Variants in GPSM2 observed in about 807,000 individuals in gnomAD.
GPSM2 encodes the protein G protein signaling modulator 2, also known as G protein-signaling modulator 2.
Under a neutral mutation model 78.4 loss-of-function variants are expected in GPSM2, and 58 were observed. That is an observed-to-expected ratio of 0.74 (90% confidence interval 0.60 to 0.92). The LOEUF is 0.92. Ranked by LOEUF, GPSM2 falls within the 40% of genes least tolerant of loss-of-function variation. GPSM2 has a pLI of 0.00. For missense variants in GPSM2, 700 were observed against 815.5 expected (o/e 0.86, Z 1.73); for synonymous variants, 224 against 280.2 (o/e 0.80, Z 2.00).
intron 2 of GPSM2, among the ~76,000 whole-genome samples, chr1:108,891,649 C>A (rs1212719596): frequency 2.0e-5 from 3 of 150,520 alleles, no homozygotes; most frequent in Non-Finnish European, 4.4e-5. Context: ...AGGTGCATGC[C>A]ACCACAGCCA....
Position 108,931,616 on chromosome 1 carries a change from T to C in GPSM2, c.*1676T>C. 1.6e-6 allele frequency: 2 copies of C among 1,218,424 alleles called. No individual in the cohort carries two copies. The highest frequency in any genetic ancestry group is 2.7e-5 in the East Asian group (1 of 36,468). 75.5% of individuals were successfully genotyped at this position (1,218,424 alleles called of 1,614,324 possible). A position where few individuals can be genotyped will look rare whatever the true frequency, so the allele number is the denominator to read the frequency against. ...AGTCATAACCTGGAATTAATTACAT[T>C]AAGTGCTCAGCTAAAAAAAAAAAAA... On this transcript the variant is annotated 3_prime_UTR_variant, in exon 15 of 15. Transcript: ENST00000264126.
At chr1:108,921,407 G>A (rs1412060965) in intron 12 of GPSM2, among the ~76,000 whole-genome samples, 3 of 66,540 alleles carry the variant, frequency 4.5e-5, no homozygotes, top group African/African-American at 6.1e-5. Context: ...ATGACAGAGC[G>A]AGACTCCTCA....
At position 108,931,083 on chromosome 1, in the gene GPSM2, C is replaced by CTGTT. The variant is rs1651871072; in HGVS notation, c.*1145_*1148dup. On this transcript the variant is annotated 3_prime_UTR_variant, in exon 15 of 15. Coordinates refer to ENST00000264126, the MANE Select transcript of GPSM2 (RefSeq NM_013296.5). ...ACAAGTATCTTTTGTGTGTTTTGGG[C>CTGTT]TGTTTAAAAAAATTATTTAAAATGG... is the stretch of plus-strand genomic sequence containing the variant. 4 of 300,592 alleles carry CTGTT rather than the reference C, an allele frequency of 1.3e-5. No individual in the cohort carries two copies. The highest frequency in any genetic ancestry group is 4.4e-5 in the African/African-American group (2 of 45,184). The allele number at this position is 300,592 out of a possible 1,614,324, so 18.6% of individuals were successfully genotyped here. A position where few individuals can be genotyped will look rare whatever the true frequency, so the allele number is the denominator to read the frequency against.
intron 2 of GPSM2, among the ~76,000 whole-genome samples, chr1:108,886,616 A>T (rs1410383788): frequency 6.6e-6 from 1 of 152,224 alleles, no homozygotes; most frequent in African/African-American, 2.4e-5. Flanking sequence ...TTCTGCATCC[A>T]CAAGTGTCTT....
intron 12 of GPSM2, among the ~76,000 whole-genome samples, chr1:108,922,031 T>C (rs1650750773): frequency 6.8e-6 from 1 of 148,138 alleles, no homozygotes; most frequent in Admixed American, 6.7e-5. Context: ...GAAATCACTA[T>C]GGTAGGAAAA....
At chr1:108,886,870 G>A (rs954731371) in intron 2 of GPSM2, among the ~76,000 whole-genome samples, 3 of 151,762 alleles carry the variant, frequency 2.0e-5, no homozygotes, top group Non-Finnish European at 4.4e-5. Context: ...AAGAGTGTGT[G>A]TGTGTGTGTT....
At position 108,896,894 on chromosome 1, in the gene GPSM2, G is replaced by A. The variant is rs112935966; in HGVS notation, c.87G>A (p.Leu29=). The A allele has an allele frequency of 2.1e-3, 3,423 of 1,614,038 alleles. 58 individuals are homozygous for A. The African/African-American group carries it at 0.04, about 19-fold the overall frequency. Residue 29 remains leucine, a synonymous_variant, in exon 3 of 15, where the codon TTG becomes TTA. Transcript: ENST00000264126. The part of the protein sequence containing the change: ...RMEASCLELA[L]EGERLCKSGD... ...AAGCTTCTTGCCTAGAGCTGGCCTT[G>A]GAAGGGGAACGTCTATGTAAATCAG...
chr1:108,930,890 C>CA lies in GPSM2; in HGVS notation c.*964dup, dbSNP rs367914389. The CA allele has an allele frequency of 7.7e-3, 988 of 128,512 alleles. 9 individuals carry two copies. The highest frequency in any genetic ancestry group is 0.011 in the Admixed American group (126 of 11,888). The allele number at this position is 128,512 out of a possible 1,614,324, so 8.0% of individuals were successfully genotyped here. On this transcript the variant is annotated 3_prime_UTR_variant, in exon 15 of 15. Transcript: ENST00000264126. ...TGAGTGACAGAGCAAGACTCTGTCT[C>CA]AAAAAAAAAAAAAACAGCAAGCATG...
At chr1:108,906,404 A>C (rs1031334977) in intron 10 of GPSM2, among the ~76,000 whole-genome samples, 7 of 152,018 alleles carry the variant, frequency 4.6e-5, no homozygotes, top group Non-Finnish European at 1.0e-4. Context: ...ACCTGCCTTC[A>C]AAATATATCC....
At chr1:108,925,317 A>C (rs926241313) in intron 14 of GPSM2, among the ~76,000 whole-genome samples, 13 of 152,246 alleles carry the variant, frequency 8.5e-5, no homozygotes, top group African/African-American at 3.1e-4. Flanking sequence ...GGTGTTAAAT[A>C]GGCAATTTGA....
intron 14 of GPSM2, among the ~76,000 whole-genome samples, chr1:108,927,693 C>G (rs906986402): frequency 4.5e-4 from 68 of 152,230 alleles, no homozygotes; most frequent in African/African-American, 1.3e-3. Context: ...TCAAGAGGAG[C>G]ATGTGGTGGC....
rs183309276 is a variant in GPSM2 at position 108,916,291 on chromosome 1, C to T, written c.1263+1883C>T. ...AAAAAAAGAAAAAGGAACATCTTTC[C>T]ATGTCATTAAATATTCTTCTGCCCT... On this transcript the variant is annotated intron_variant, in intron 11 of 14. Transcript: ENST00000264126. Among the ~76,000 whole-genome samples, 80 of 151,608 alleles carry T rather than the reference C, an allele frequency of 5.3e-4. No homozygotes were observed. In the South Asian group the frequency reaches 6.7e-3, roughly 13 times the overall value.
chr1:108,904,312 T>G (rs1352946827), intron 10 of GPSM2, 58 bp downstream of exon 10: 1 of 1,099,184 alleles, frequency 9.1e-7, no homozygotes, highest in African/African-American at 1.6e-5. Flanking sequence ...AGATTAAAGT[T>G]ATTTATCACA....
intron 9 of GPSM2, among the ~76,000 whole-genome samples, chr1:108,903,618 T>C (rs1648996286): frequency 6.6e-6 from 1 of 152,222 alleles, no homozygotes; most frequent in Non-Finnish European, 1.5e-5. Flanking sequence ...AAACCTTTTC[T>C]GAGCCTCAGT....
At chr1:108,898,521 T>G in intron 5 of GPSM2, 121 bp from the exon 6 acceptor site, 1 of 810,902 alleles carries the variant, frequency 1.2e-6, no homozygotes, top group Non-Finnish European at 2.0e-6. Context: ...CTTAAAATGT[T>G]GCACATTATG....
intron 1 of GPSM2, among the ~76,000 whole-genome samples, chr1:108,884,739 A>G (rs1208366159): frequency 1.3e-5 from 2 of 152,204 alleles, no homozygotes; most frequent in African/African-American, 2.4e-5. Context: ...TTTTTACCAT[A>G]TACATATTTC....
rs766735674 is a variant in GPSM2 at position 108,931,348 on chromosome 1, G to C, written c.*1408G>C. The C allele has an allele frequency of 5.2e-6, 8 of 1,550,842 alleles. No individual in the cohort carries two copies. The highest frequency in any genetic ancestry group is 4.9e-5 in the East Asian group (2 of 40,892). On this transcript the variant is annotated 3_prime_UTR_variant, in exon 15 of 15. Coordinates refer to ENST00000264126, the MANE Select transcript of GPSM2 (RefSeq NM_013296.5). ...CAGTTTACAAGGGGATGATAACAAA[G>C]TAACTAACTAACTGTAGCAAAAGAC...
intron 10 of GPSM2, among the ~76,000 whole-genome samples, chr1:108,906,980 C>T (rs905519808): frequency 5.3e-5 from 8 of 152,138 alleles, no homozygotes; most frequent in Non-Finnish European, 1.2e-4. Flanking sequence ...GAATATACGT[C>T]GTTCCTCTGT....
chr1:108,931,869 G>T lies in GPSM2; in HGVS notation c.*1929G>T. The T allele has an allele frequency of 6.1e-6, 1 of 164,416 alleles. No individual in the cohort carries two copies. Among genetic ancestry groups the T allele is most frequent in the East Asian group, 1.8e-4 (1 of 5,516 alleles). 10.2% of individuals were successfully genotyped at this position (164,416 alleles called of 1,614,324 possible). A position where few individuals can be genotyped will look rare whatever the true frequency, so the allele number is the denominator to read the frequency against. Reference sequence around the variant, plus strand: ...TTTGTACACAAAGTACAAACTTTGTGTATTATTTTGTGTATACAATAGTTC... The same window carrying T: ...TTTGTACACAAAGTACAAACTTTGTTTATTATTTTGTGTATACAATAGTTC... On this transcript the variant is annotated 3_prime_UTR_variant, in exon 15 of 15. Transcript: ENST00000264126.
Sources: gnomAD v4.1 joint callset for allele counts (sites outside exome capture counted in the v4.1 genomes callset) on GRCh38, gnomAD v4.1.1 for gene constraint, MANE v1.5 for transcripts, NCBI Gene and HGNC (gene_info 2026-07-23, HGNC 2026-07-21) for gene names.